CNST: variants seen among roughly 807,000 people sequenced by gnomAD.
The protein encoded by CNST is consortin, connexin sorting protein.
A neutral mutation model predicts 72.4 loss-of-function variants in CNST; 39 were observed. The ratio of observed to expected loss-of-function variants is 0.54; its 90% CI spans 0.42 to 0.70. The LOEUF (loss-of-function observed/expected upper bound fraction) is 0.70. Ranked by LOEUF, CNST falls within the 30% of genes least tolerant of loss-of-function variation. CNST has a pLI of 0.00. For synonymous variants in CNST, 332 were observed against 320.1 expected (o/e 1.04, Z -0.40); for missense variants, 871 against 868.5 (o/e 1.00, Z -0.04).
In CNST at chr1:246,576,929, C is replaced by T. The variant is rs141063484; in HGVS notation, c.-52+10266C>T. On this transcript the variant is annotated intron_variant, in intron 1 of 10. Coordinates refer to ENST00000366513, the MANE Select transcript of CNST (RefSeq NM_152609.3). ...CTGTAGGAATCCATGGGAACTTGGC[C>T]TTCAGACTTCAGGCAAGCACCAGAG... 3.9e-3 allele frequency among the ~76,000 whole-genome samples: 599 copies of T among 152,170 alleles called. 11 individuals carry two copies. The highest frequency in any genetic ancestry group is 0.014 in the African/African-American group (575 of 41,410).
At chr1:246,626,172 C>G (rs1664419782) in intron 3 of CNST, among the ~76,000 whole-genome samples, 1 of 151,798 alleles carries the variant, frequency 6.6e-6, no homozygotes, top group Admixed American at 6.6e-5. Context: ...GCCTCAGCTT[C>G]TCAAGTGGCT....
chr1:246,568,279 ATTT>A (rs1169461742), intron 1 of CNST, among the ~76,000 whole-genome samples: 3 of 152,154 alleles, frequency 2.0e-5, no homozygotes, highest in African/African-American at 4.8e-5. Context: ...AACTGATGTC[ATTT>A]TTTATTTTGC....
intron 5 of CNST, chr1:246,634,221 A>G: frequency 1.8e-6 from 1 of 556,086 alleles, no homozygotes; most frequent in East Asian, 2.9e-5. Flanking sequence ...TATCAATGCC[A>G]AGAAAAGAAT....
At chr1:246,577,817 A>G (rs528119912) in intron 1 of CNST, among the ~76,000 whole-genome samples, 1 of 152,224 alleles carries the variant, frequency 6.6e-6, no homozygotes, top group East Asian at 1.9e-4. Flanking sequence ...CAGTCTGTGC[A>G]TGGTGGCTCA....
chr1:246,569,658 C>G (rs574455630), intron 1 of CNST, among the ~76,000 whole-genome samples: 96 of 152,254 alleles, frequency 6.3e-4, no homozygotes, highest in African/African-American at 2.2e-3. Context: ...GCCCTGAACT[C>G]CTGGGATCAA....
intron 8 of CNST, among the ~76,000 whole-genome samples, chr1:246,646,061 C>T (rs1666043838): frequency 6.6e-6 from 1 of 151,786 alleles, no homozygotes; most frequent in African/African-American, 2.4e-5. Flanking sequence ...GGGCAGATCA[C>T]GAGGTCAGGA....
chr1:246,605,806 G>A (rs1336023654), intron 2 of CNST: 1 of 124,602 alleles, frequency 8.0e-6, no homozygotes, highest in East Asian at 2.3e-4. Context: ...TCCGGCCGGG[G>A]TGCGTGTCTT....
chr1:246,652,155 G>A (rs1666479870), intron 9 of CNST, among the ~76,000 whole-genome samples: 1 of 152,150 alleles, frequency 6.6e-6, no homozygotes, highest in Non-Finnish European at 1.5e-5. Context: ...CTTTACTCAG[G>A]AACCTGATCA....
At chr1:246,622,867 A>G (rs147212398) in intron 3 of CNST, among the ~76,000 whole-genome samples, 193 of 152,274 alleles carry the variant, frequency 1.3e-3, no homozygotes, top group African/African-American at 4.4e-3. Context: ...TCTGTTGCCC[A>G]GGCTGGAGTG....
intron 8 of CNST, among the ~76,000 whole-genome samples, chr1:246,642,933 C>T (rs146756412): frequency 6.8e-6 from 1 of 147,732 alleles, no homozygotes; most frequent in East Asian, 2.0e-4. Flanking sequence ...ACGCTGTTGC[C>T]CAGGCTGGAG....
At chr1:246,659,391 G>A (rs555845740) in intron 9 of CNST, among the ~76,000 whole-genome samples, 11 of 152,216 alleles carry the variant, frequency 7.2e-5, no homozygotes, top group East Asian at 3.9e-4. Flanking sequence ...TCAGGAGATC[G>A]AGACCATCCT....
At chr1:246,640,097 T>C (rs1169055498) in intron 6 of CNST, among the ~76,000 whole-genome samples, 3 of 152,242 alleles carry the variant, frequency 2.0e-5, no homozygotes, top group Admixed American at 6.5e-5. Flanking sequence ...GGAGAATCTT[T>C]CATTTATTAC....
intron 2 of CNST, among the ~76,000 whole-genome samples, chr1:246,612,289 C>G (rs796726676): frequency 6.6e-6 from 1 of 152,226 alleles, no homozygotes; most frequent in Non-Finnish European, 1.5e-5. Context: ...GCAACCTCCA[C>G]CTCCCAGGTT....
intron 2 of CNST, 47 bp from the exon 3 acceptor site, chr1:246,621,382 A>G: frequency 7.1e-7 from 1 of 1,403,944 alleles, no homozygotes; most frequent in East Asian, 2.3e-5. Context: ...GTGTTACACC[A>G]TCATGGGAAT....
chr1:246,629,509 G>T (rs1372407266), intron 3 of CNST, among the ~76,000 whole-genome samples: 1 of 152,120 alleles, frequency 6.6e-6, no homozygotes, highest in Non-Finnish European at 1.5e-5. Context: ...AGGAAATCTG[G>T]TGACATAATA....
At position 246,667,476 on chromosome 1, in the gene CNST, T is replaced by G. The variant is rs916012604; in HGVS notation, c.*1571T>G. The G allele has an allele frequency of 5.9e-5, 9 of 152,232 alleles. No homozygotes were observed. Among genetic ancestry groups the G allele is most frequent in the Non-Finnish European group, 1.3e-4 (9 of 68,036 alleles). The allele number at this position is 152,232 out of a possible 1,614,324, so 9.4% of individuals were successfully genotyped here. ...GATGTTTCATTTTCACTTATAATAC[T>G]GTTTGACTTGTCTCTATCATGTCAC... On this transcript the variant is annotated 3_prime_UTR_variant, in exon 11 of 11. Transcript: ENST00000366513.
At chr1:246,573,746 A>G (rs924215425) in intron 1 of CNST, among the ~76,000 whole-genome samples, 50 of 152,380 alleles carry the variant, frequency 3.3e-4, no homozygotes, top group Middle Eastern at 3.4e-3. Context: ...TTCTAAGAAT[A>G]TCTGTTTTGT....
intron 6 of CNST, among the ~76,000 whole-genome samples, chr1:246,635,418 C>T (rs912502686): frequency 6.6e-6 from 1 of 151,826 alleles, no homozygotes. Flanking sequence ...TTTAAATCCC[C>T]CTAAATTAGA....
At chr1:246,577,409 T>TTAAA (rs770017370) in intron 1 of CNST, among the ~76,000 whole-genome samples, 2 of 152,100 alleles carry the variant, frequency 1.3e-5, no homozygotes, top group African/African-American at 2.4e-5. Context: ...GAACTTTGGA[T>TTAAA]TAAAGTACTA....
Sources: gnomAD v4.1 joint callset for allele counts (sites outside exome capture counted in the v4.1 genomes callset) on GRCh38, gnomAD v4.1.1 for gene constraint, MANE v1.5 for transcripts, NCBI Gene and HGNC (gene_info 2026-07-23, HGNC 2026-07-21) for gene names.